Variants in HAL observed in about 807,000 individuals in gnomAD.
The protein encoded by HAL is histidase.
A neutral mutation model predicts 81.1 loss-of-function variants in HAL; 85 were observed. The observed-to-expected ratio is 1.05, with a 90% CI of 0.88 to 1.25. The LOEUF (loss-of-function observed/expected upper bound fraction) is 1.25. HAL is among the 50% of genes most tolerant of loss of function. The pLI is 0.00. For synonymous variants in HAL, 301 were observed against 309.2 expected (o/e 0.97, Z 0.28); for missense variants, 798 against 836.6 (o/e 0.95, Z 0.57).
Position 95,977,396 on chromosome 12 carries a change from C to A in HAL, c.1654+548G>T, listed in dbSNP as rs957898321. ...TTTAAAAGTCTCATTAAAAAAAAAA[C>A]CACTTTGGGGGTGAGGTGGGAGGAT... On this transcript the variant is annotated intron_variant, in intron 18 of 20. Coordinates refer to ENST00000261208, the MANE Select transcript of HAL (RefSeq NM_002108.4). Among the ~76,000 whole-genome samples, 8 of 145,108 alleles carry A rather than the reference C, an allele frequency of 5.5e-5. No homozygotes were observed. The South Asian group carries it at 6.6e-4, about 12-fold the overall frequency.
Position 95,994,993 on chromosome 12 carries a change from A to T in HAL, c.248T>A (p.Val83Asp). The change falls in exon 3 of 21, where the codon GTT (valine) becomes GAT (aspartate). Residue 83 changes from valine (V) to aspartate (D), a missense_variant and splice_region_variant. By Grantham distance (152) the Val-to-Asp change is radical. Transcript: ENST00000261208. Reference protein sequence around the residue: ...ALENNEFVEVVIEGDAMSPDF... With the variant: ...ALENNEFVEVDIEGDAMSPDF... ...AGGAGACATGGCATCACCCTCTATA[A>T]CTAAAACAATGCACGGGAGACTCGT... 1.9e-6 allele frequency: 3 copies of T among 1,607,120 alleles called. No individual in the cohort carries two copies. The highest frequency in any genetic ancestry group is 2.6e-6 in the Non-Finnish European group (3 of 1,173,794).
Position 95,978,157 on chromosome 12 carries a change from C to T in HAL, c.1520-79G>A, listed in dbSNP as rs2080746880. 4 of 1,082,586 alleles carry T rather than the reference C, an allele frequency of 3.7e-6. No individual in the cohort carries two copies. The Admixed American group carries it at 5.4e-5, about 15-fold the overall frequency. 67.1% of individuals were successfully genotyped at this position (1,082,586 alleles called of 1,614,324 possible). On this transcript the variant is annotated intron_variant, in intron 17 of 20. Coordinates refer to ENST00000261208, the MANE Select transcript of HAL (RefSeq NM_002108.4). The stretch of plus-strand genomic sequence containing the variant: ...AAGGACCCGTGGCTTCCACAGAGTG[C>T]TCCACAGCATGGGATACACTCTCCA...
In HAL at chr12:95,983,940, TG is replaced by T. The variant is rs769324608; in HGVS notation, c.1257del (p.Thr420GlnfsTer3). On this transcript the variant is annotated frameshift_variant, in exon 15 of 21. Coordinates refer to ENST00000261208, the MANE Select transcript of HAL (RefSeq NM_002108.4). LOFTEE classifies it high-confidence loss of function. The stretch of plus-strand genomic sequence containing the variant: ...TTATCTGTTGCGCTGTTCAGTTCTG[TG>T]GTAATGATGTTCTTCACAAATGCTA... ...DTIAFVKNIITTELNSATDNP... is the reference protein window; with the variant it reads ...DTIAFVKNIIXTELNSATDNP... 3.8e-6 allele frequency: 6 copies of T among 1,580,354 alleles called. No homozygotes were observed. In the South Asian group the frequency reaches 6.6e-5, roughly 17 times the overall value.
At chr12:95,994,206 A>G (rs570384736) in intron 4 of HAL, 42 bp from the exon 5 acceptor site, 33 of 1,389,598 alleles carry the variant, frequency 2.4e-5, no homozygotes, top group Non-Finnish European at 3.2e-5. Flanking sequence ...GAACAGCTTG[A>G]TTATTCTAAC....
intron 9 of HAL, among the ~76,000 whole-genome samples, chr12:95,991,838 C>T (rs777518192): frequency 7.2e-5 from 11 of 152,200 alleles, no homozygotes; most frequent in Non-Finnish European, 1.5e-4. Context: ...GGAATCACTA[C>T]TAGTCTGTTC....
chr12:95,985,624 CAAA>C (rs56285140), intron 14 of HAL, among the ~76,000 whole-genome samples: 40 of 77,236 alleles, frequency 5.2e-4, no homozygotes, highest in East Asian at 1.9e-3. Context: ...TTGTCTGTCT[CAAA>C]AAAAAAAAAA....
At chr12:95,976,246 C>T (rs2080717210) in intron 20 of HAL, 183 bp downstream of exon 20, 1 of 674,244 alleles carries the variant, frequency 1.5e-6, no homozygotes, top group African/African-American at 1.8e-5. Flanking sequence ...TGGCTGCACC[C>T]TGGTGCACTT....
intron 12 of HAL, among the ~76,000 whole-genome samples, chr12:95,986,461 G>A (rs117416647): frequency 7.7e-4 from 117 of 152,232 alleles, no homozygotes; most frequent in Non-Finnish European, 1.5e-3. Context: ...CCGAAAGCAC[G>A]ATTTTCCTTA....
rs766143470 is a variant in HAL, at chr12:95,986,163, A to G, written c.1052-3T>C. ...GTGAGGTCGAAGAGCATGAATGTCT[A>G]GAATTGATGAAGGAGAAAAAGTCTG... is the stretch of plus-strand genomic sequence containing the variant. On this transcript the variant is annotated splice_region_variant and splice_polypyrimidine_tract_variant and intron_variant, in intron 12 of 20. Coordinates refer to ENST00000261208, the MANE Select transcript of HAL (RefSeq NM_002108.4). The G allele has an allele frequency of 6.5e-7, 1 of 1,538,010 alleles. No individual in the cohort carries two copies. Among genetic ancestry groups the G allele is most frequent in the East Asian group, 2.2e-5 (1 of 44,516 alleles).
chr12:95,986,285 G>T, intron 12 of HAL, 125 bp from the exon 13 acceptor site: 1 of 696,004 alleles, frequency 1.4e-6, no homozygotes. Context: ...CTCCTACCTT[G>T]GCCTCCCAAA....
At chr12:95,976,543 G>A in intron 19 of HAL, 45 bp from the exon 20 acceptor site, 1 of 1,600,280 alleles carries the variant, frequency 6.2e-7, no homozygotes, top group Middle Eastern at 1.7e-4. Context: ...ATGAAACCCT[G>A]CCAGGGTTCA....
At chr12:95,982,770 T>C (rs1050001679) in intron 15 of HAL, among the ~76,000 whole-genome samples, 3 of 152,204 alleles carry the variant, frequency 2.0e-5, no homozygotes, top group African/African-American at 7.2e-5. Flanking sequence ...TGACCTGCTT[T>C]TGGGGCTGCT....
rs1411110929 is a variant in HAL, at chr12:95,994,928, G to C, written c.308+5C>G. ...GCAGACCAAAGAGCCTGTGGGAAAG[G>C]ATACAGATAAACTCCTTCTGGTTGA... On this transcript the variant is annotated splice_donor_5th_base_variant and intron_variant, in intron 3 of 20. Transcript: ENST00000261208. 6.2e-7 allele frequency: 1 copy of C among 1,612,034 alleles called. No homozygotes were observed. Among genetic ancestry groups the C allele is most frequent in the Non-Finnish European group, 8.5e-7 (1 of 1,178,110 alleles).
intron 2 of HAL, 71 bp from the exon 3 acceptor site, chr12:95,995,064 A>G: frequency 8.7e-7 from 1 of 1,151,236 alleles, no homozygotes; most frequent in Non-Finnish European, 1.3e-6. Context: ...AAACCAAGGA[A>G]CGGCCCATCA....
In HAL at chr12:95,995,724, G is replaced by A; in HGVS notation, c.187C>T (p.Leu63=). The A allele has an allele frequency of 6.2e-7, 1 of 1,613,802 alleles. No homozygotes were observed. Among genetic ancestry groups the A allele is most frequent in the Non-Finnish European group, 8.5e-7 (1 of 1,180,028 alleles). The change falls in exon 2 of 21, where the codon CTG becomes TTG. Residue 63 remains leucine, a synonymous_variant. Transcript: ENST00000261208. ...FLVRRCKGLG[L]LDNEDRLEVA... is the part of the protein sequence containing the mutation. ...TCGAGCCGGTCCTCGTTGTCCAGCA[G>A]GCCCAGGCCCTTGCACCGGCGCACA... is the stretch of plus-strand genomic sequence containing the variant.
At chr12:95,989,337 C>A (rs1173664668) in intron 10 of HAL, among the ~76,000 whole-genome samples, 5 of 152,192 alleles carry the variant, frequency 3.3e-5, no homozygotes, top group African/African-American at 1.2e-4. Flanking sequence ...TGCTACTGTG[C>A]CAGGATAATT....
At chr12:95,985,643 A>T (rs1565989664) in intron 14 of HAL, among the ~76,000 whole-genome samples, 1 of 151,466 alleles carries the variant, frequency 6.6e-6, no homozygotes, top group African/African-American at 2.4e-5. Context: ...AAAAAAAAAA[A>T]AAAAGAGGTT....
At chr12:95,986,272 A>C (rs1431504091) in intron 12 of HAL, 112 bp from the exon 13 acceptor site, 3 of 716,616 alleles carry the variant, frequency 4.2e-6, no homozygotes, top group South Asian at 1.5e-5. Context: ...GGCTCTAGCG[A>C]TCCTCCTACC....
rs1477677829 is a variant in HAL, at chr12:95,980,607, C to T, written c.1468G>A (p.Gly490Ser). 2.5e-6 allele frequency: 4 copies of T among 1,613,986 alleles called. No individual in the cohort carries two copies. The highest frequency in any genetic ancestry group is 3.4e-6 in the Non-Finnish European group (4 of 1,180,000). The change falls in exon 17 of 21, where the codon GGT (glycine) becomes AGT (serine). Residue 490 changes from glycine (G) to serine (S), a missense_variant. By Grantham distance (56) the Gly-to-Ser change is moderately conservative (BLOSUM62 0). Transcript: ENST00000261208. ...ATCATGAACCCAGAGTTCAGACCACCTTCAGCCACCAGGAAGGCAGGCAGC... is the reference window on the plus strand; with the variant it reads ...ATCATGAACCCAGAGTTCAGACCACTTTCAGCCACCAGGAAGGCAGGCAGC... ...SELPAFLVAEGGLNSGFMIAH... is the reference protein window; with the variant it reads ...SELPAFLVAESGLNSGFMIAH...
Sources: gnomAD v4.1 joint callset for allele counts (sites outside exome capture counted in the v4.1 genomes callset) on GRCh38, gnomAD v4.1.1 for gene constraint, MANE v1.5 for transcripts, NCBI Gene and HGNC (gene_info 2026-07-23, HGNC 2026-07-21) for gene names.